The following ADGRD1 variants were observed in gnomAD, a reference collection of about 807,000 sequenced individuals.
ADGRD1 encodes the protein adhesion G protein-coupled receptor D1.
ADGRD1 carries 77 observed loss-of-function variants against 113.4 expected under a neutral mutation model. The ratio of observed to expected loss-of-function variants is 0.68; its 90% CI spans 0.57 to 0.82. The LOEUF is 0.82. Among genes scored for constraint, ADGRD1 ranks in the 40% least tolerant of loss-of-function variants. The probability of loss-of-function intolerance (pLI) is 0.00; values close to 1 mark genes in which losing one functional copy is unlikely to be tolerated. For synonymous variants in ADGRD1, 474 were observed against 475.0 expected, an observed-to-expected ratio of 1.00 and a Z score of 0.03; for missense variants, 1,036 against 1,139.1, an observed-to-expected ratio of 0.91 and a Z score of 1.30.
chr12:131,057,472 G>A lies in ADGRD1; in HGVS notation c.1474-19329G>A, dbSNP rs1257855215. On this transcript the variant is annotated intron_variant, in intron 13 of 24. Coordinates refer to ENST00000261654, the MANE Select transcript of ADGRD1 (RefSeq NM_198827.5). The surrounding 1 kb of genome is among the most constrained non-coding windows in gnomAD (Gnocchi z 4.2). ...GTTCTCCTGCAGCTCTTGAGTCCACGAGTCTGAGACAAAGGCGTTGGCAGA... is the reference window on the plus strand; with the variant it reads ...GTTCTCCTGCAGCTCTTGAGTCCACAAGTCTGAGACAAAGGCGTTGGCAGA... Among the ~76,000 whole-genome samples the A allele has an allele frequency of 3.3e-5, 5 of 152,070 alleles. No individual in the cohort carries two copies. Among genetic ancestry groups the A allele is most frequent in the African/African-American group, 7.2e-5 (3 of 41,400 alleles).
intron 5 of ADGRD1, among the ~76,000 whole-genome samples, chr12:130,982,488 T>C (rs138551885): frequency 6.6e-6 from 1 of 152,356 alleles, no homozygotes; most frequent in East Asian, 1.9e-4. Context: ...CTCATCTGCC[T>C]CCTTTTTCTC....
intron 13 of ADGRD1, among the ~76,000 whole-genome samples, chr12:131,061,714 A>C (rs1461605367): frequency 6.6e-6 from 1 of 152,240 alleles, no homozygotes; most frequent in Admixed American, 6.5e-5. Context: ...ACACAGGTGT[A>C]AATTCATGGA....
intron 13 of ADGRD1, among the ~76,000 whole-genome samples, chr12:131,046,495 TCCCTGGTCAGTGCC>T (rs1882807231): frequency 7.7e-6 from 1 of 130,152 alleles, no homozygotes; most frequent in Non-Finnish European, 1.6e-5. Context: ...GTCAGTGTCC[TCCCTGGTCAGTGCC>T]CCCTCCCTGG....
rs773163978 is a variant in ADGRD1, at chr12:131,108,744, C to G, written c.1908C>G (p.Ala636=). 6.2e-7 allele frequency: 1 copy of G among 1,614,064 alleles called. No individual in the cohort carries two copies. The highest frequency in any genetic ancestry group is 1.1e-5 in the South Asian group (1 of 91,078). ...EPGTTPCQVM[A]VLLHYFFLSA... is the part of the protein sequence containing the mutation. ...CCTAGACCCCCTGCCAAGTGATGGCCGTGCTCCTACACTACTTCTTCCTGA... is the reference window on the plus strand; with the variant it reads ...CCTAGACCCCCTGCCAAGTGATGGCGGTGCTCCTACACTACTTCTTCCTGA... Residue 636 remains alanine (A), a synonymous_variant, in exon 18 of 25, where the codon GCC becomes GCG. Transcript: ENST00000261654.
intron 20 of ADGRD1, 34 bp from the exon 21 acceptor site, chr12:131,131,691 C>G (rs777500993): frequency 1.6e-5 from 22 of 1,403,702 alleles, no homozygotes; most frequent in Admixed American, 8.6e-5. Context: ...GCAGCCCAGG[C>G]CCCCCTCACC....
intron 20 of ADGRD1, among the ~76,000 whole-genome samples, chr12:131,123,812 T>C (rs1480732518): frequency 2.1e-5 from 3 of 141,096 alleles, no homozygotes; most frequent in East Asian, 4.2e-4. Context: ...GGCAACAGAG[T>C]GAGACTCCGT....
chr12:131,136,612 C>T (rs1951094179), intron 22 of ADGRD1, among the ~76,000 whole-genome samples: 1 of 152,256 alleles, frequency 6.6e-6, no homozygotes, highest in Non-Finnish European at 1.5e-5. Flanking sequence ...CCATCGCCAT[C>T]CATGGCCCTC....
At chr12:131,066,454 G>C (rs938761179) in intron 13 of ADGRD1, among the ~76,000 whole-genome samples, 2 of 152,186 alleles carry the variant, frequency 1.3e-5, no homozygotes, top group Admixed American at 1.3e-4. Flanking sequence ...ATGCCTGGCT[G>C]GGCCATTGTC....
chr12:131,046,794 T>C (rs1725787), intron 13 of ADGRD1, among the ~76,000 whole-genome samples: 1 of 116,758 alleles, frequency 8.6e-6, no homozygotes, highest in Non-Finnish European at 1.8e-5. Flanking sequence ...TCCTCCCTGG[T>C]CAGTGTCCTC....
intron 24 of ADGRD1, 109 bp downstream of exon 24, chr12:131,138,338 C>T: frequency 1.2e-6 from 1 of 832,100 alleles, no homozygotes; most frequent in Non-Finnish European, 2.0e-6. Flanking sequence ...GGGTGCCCAG[C>T]AGTCTTTGTC....
In ADGRD1 at chr12:131,066,764, G is replaced by A. The variant is rs374977996; in HGVS notation, c.1474-10037G>A. Among the ~76,000 whole-genome samples, 333 of 152,268 alleles carry A rather than the reference G, an allele frequency of 2.2e-3. 2 individuals carry two copies. Among genetic ancestry groups the A allele is most frequent in the African/African-American group, 7.5e-3 (313 of 41,562 alleles). ...GAGTGGCCACGTGGATGGGGGGATC[G>A]TGGGGCATCGGGGGAGAGGCATCAC... On this transcript the variant is annotated intron_variant, in intron 13 of 24. Coordinates refer to ENST00000261654, the MANE Select transcript of ADGRD1 (RefSeq NM_198827.5).
chr12:131,009,013 A>T (rs1357815250), intron 12 of ADGRD1, among the ~76,000 whole-genome samples: 1 of 152,184 alleles, frequency 6.6e-6, no homozygotes, highest in East Asian at 1.9e-4. Context: ...CTATCAGTGG[A>T]TGTGCACACC....
intron 17 of ADGRD1, among the ~76,000 whole-genome samples, chr12:131,106,302 A>G (rs1243768826): frequency 5.9e-5 from 9 of 152,330 alleles, no homozygotes; most frequent in Middle Eastern, 3.4e-3. Flanking sequence ...GCTGCTTGAC[A>G]GCAAACAGTT....
intron 16 of ADGRD1, among the ~76,000 whole-genome samples, chr12:131,105,370 A>G (rs1446314755): frequency 6.6e-6 from 1 of 152,262 alleles, no homozygotes; most frequent in Non-Finnish European, 1.5e-5. Context: ...AGCAGTGGTC[A>G]GGAAGCTTAC....
intron 20 of ADGRD1, among the ~76,000 whole-genome samples, chr12:131,127,032 C>T (rs1950752861): frequency 6.6e-6 from 1 of 152,058 alleles, no homozygotes; most frequent in Non-Finnish European, 1.5e-5. Context: ...AGCCGCTCCT[C>T]CTCTTAGGAA....
chr12:131,106,061 G>T (rs1334779695), intron 17 of ADGRD1, among the ~76,000 whole-genome samples, 196 bp downstream of exon 17: 1 of 152,154 alleles, frequency 6.6e-6, no homozygotes, highest in Non-Finnish European at 1.5e-5. Context: ...CGCCAGCCTC[G>T]GGTAAAGCTG....
intron 20 of ADGRD1, among the ~76,000 whole-genome samples, chr12:131,122,518 G>A (rs913299273): frequency 7.2e-5 from 11 of 152,166 alleles, no homozygotes; most frequent in African/African-American, 2.4e-4. Flanking sequence ...TGGGGGTCTG[G>A]GAGGACCATT....
intron 24 of ADGRD1, among the ~76,000 whole-genome samples, chr12:131,138,483 G>C (rs2136119401): frequency 6.6e-6 from 1 of 152,300 alleles, no homozygotes; most frequent in South Asian, 2.1e-4. Context: ...CTTAGGGATG[G>C]AAGGACTTAG....
intron 13 of ADGRD1, among the ~76,000 whole-genome samples, chr12:131,036,531 G>T (rs1431512341): frequency 1.4e-5 from 2 of 145,044 alleles, no homozygotes. Context: ...CACTGCACCA[G>T]GCCTCACTTG....
Sources: gnomAD v4.1 joint callset for allele counts (sites outside exome capture counted in the v4.1 genomes callset) on GRCh38, gnomAD v4.1.1 for gene constraint, Gnocchi (gnomAD v3.1) non-coding constraint, MANE v1.5 for transcripts, NCBI Gene and HGNC (gene_info 2026-07-23, HGNC 2026-07-21) for gene names.